The following SF1 variants were observed in gnomAD, a reference collection of about 807,000 sequenced individuals.
SF1 encodes branch point-binding protein.
Under a neutral mutation model 62.5 loss-of-function variants are expected in SF1, and 7 were observed. The observed-to-expected ratio is 0.11, with a 90% CI of 0.06 to 0.21. The LOEUF (loss-of-function observed/expected upper bound fraction) is 0.21. SF1 is among the 10% of genes least tolerant of loss of function. The pLI is 1.00. For synonymous variants in SF1, 394 were observed against 323.6 expected, an observed-to-expected ratio of 1.22 and a Z score of -2.33; for missense variants, 578 against 884.0, an observed-to-expected ratio of 0.65 and a Z score of 4.39.
intron 2 of SF1, among the ~76,000 whole-genome samples, chr11:64,775,609 T>C (rs1330590152): frequency 1.3e-5 from 2 of 152,208 alleles, no homozygotes; most frequent in East Asian, 3.8e-4. Context: ...GGCCACAGCC[T>C]CGTAGGTTTA....
chr11:64,773,177 T>A, intron 3 of SF1: 1 of 1,323,772 alleles, frequency 7.6e-7, no homozygotes, highest in South Asian at 1.7e-5. Context: ...AAGATCTACA[T>A]GCTTACCAAT....
At chr11:64,767,152 A>G in intron 11 of SF1, 40 bp downstream of exon 11, 2 of 1,613,624 alleles carry the variant, frequency 1.2e-6, no homozygotes, top group Non-Finnish European at 1.7e-6. Flanking sequence ...CCACTCACCC[A>G]AGCCTAGGTG....
At position 64,770,035 on chromosome 11, in the gene SF1, C is replaced by G; in HGVS notation, c.408G>C (p.Val136=). ...PADYKPPATR[V]SDKVMIPQDE... Reference sequence around the variant, plus strand: ...CTTGTGGAATCATGACTTTATCACTCACACGTGTTGCTGGAGGTCTAAGAA... The same window carrying G: ...CTTGTGGAATCATGACTTTATCACTGACACGTGTTGCTGGAGGTCTAAGAA... The change falls in exon 5 of 13, where the codon GTG becomes GTC. Residue 136 remains valine (V), a synonymous_variant. Transcript: ENST00000377390. The G allele has an allele frequency of 6.2e-7, 1 of 1,613,964 alleles. No homozygotes were observed. The highest frequency in any genetic ancestry group is 1.3e-5 in the African/African-American group (1 of 75,018).
rs1246934440 is a variant in SF1 at position 64,777,946 on chromosome 11, C to A, written c.31+416G>T. The A allele has an allele frequency of 1.5e-5, 15 of 985,072 alleles. No homozygotes were observed. The South Asian group carries it at 6.3e-4, about 42-fold the overall frequency. The allele number at this position is 985,072 out of a possible 1,614,324, so 61.0% of individuals were successfully genotyped here. A position where few individuals can be genotyped will look rare whatever the true frequency, so the allele number is the denominator to read the frequency against. On this transcript the variant is annotated intron_variant, in intron 1 of 12. Coordinates refer to ENST00000377390, the MANE Select transcript of SF1 (RefSeq NM_004630.4). ...CGCGCGCCCCTCAGGCGGCCGGGCC[C>A]GTCCGCGCGACGCCTCTCGCGCTCT...
At chr11:64,777,822 G>A (rs1342267809) in intron 1 of SF1, 11 of 960,286 alleles carry the variant, frequency 1.1e-5, no homozygotes, top group African/African-American at 5.3e-5. Flanking sequence ...CGCACTCGAG[G>A]CCCTAGAACC....
rs770016101 is a variant in SF1, at chr11:64,769,230, C to T, written c.772G>A (p.Asp258Asn). 1 of 1,613,874 alleles carries T rather than the reference C, an allele frequency of 6.2e-7. No homozygotes were observed. The highest frequency in any genetic ancestry group is 8.5e-7 in the Non-Finnish European group (1 of 1,179,746). ...TTTAAACTGATCACATACCTGTTAT[C>T]GTCTTCCCGAAGGGTCCCATTTAAG... ...ARLNGTLRED[D>N]NRILRPWQSS... Residue 258 changes from aspartate to asparagine, a missense_variant, in exon 7 of 13, where the codon GAT becomes AAT. Physicochemically the swap from Asp to Asn is conservative, Grantham distance 23. Transcript: ENST00000377390.
intron 3 of SF1, chr11:64,772,379 AATCT>A (rs1938462396): frequency 2.0e-6 from 2 of 984,400 alleles, no homozygotes; most frequent in Middle Eastern, 5.2e-4. Context: ...CTACAACCAA[AATCT>A]ATCTATAGGT....
rs970014388 is a variant in SF1 at position 64,773,366 on chromosome 11, C to T, written c.236+64G>A. 18 of 1,582,604 alleles carry T rather than the reference C, an allele frequency of 1.1e-5. No individual in the cohort carries two copies. In the East Asian group the frequency reaches 1.8e-4, roughly 16 times the overall value. ...TTGAACTGACACAATATGTTGCCAC[C>T]AGTAAAACGTATTGAGAAAAAGGTA... On this transcript the variant is annotated intron_variant, in intron 3 of 12. Transcript: ENST00000377390.
chr11:64,772,514 A>G, intron 3 of SF1: 1 of 985,184 alleles, frequency 1.0e-6, no homozygotes, highest in Non-Finnish European at 1.2e-6. Context: ...AAGCCATTAC[A>G]TCATCTTCCT....
chr11:64,774,244 A>G (rs184538122), intron 2 of SF1, among the ~76,000 whole-genome samples: 36 of 152,334 alleles, frequency 2.4e-4, no homozygotes, highest in African/African-American at 8.2e-4. Flanking sequence ...CTCACTGTTC[A>G]TATGGGGAGC....
At chr11:64,772,205 G>A in intron 3 of SF1, 1 of 985,100 alleles carries the variant, frequency 1.0e-6, no homozygotes. Context: ...AAGCAAAGAA[G>A]GTTTGTTAAA....
At chr11:64,768,634 G>T (rs1402458461) in intron 8 of SF1, among the ~76,000 whole-genome samples, 2 of 152,232 alleles carry the variant, frequency 1.3e-5, no homozygotes, top group African/African-American at 4.8e-5. Flanking sequence ...CTGCCAGAAC[G>T]AACTTCCTAA....
chr11:64,769,635 T>C, intron 5 of SF1, 26 bp from the exon 6 acceptor site: 1 of 1,594,694 alleles, frequency 6.3e-7, no homozygotes, highest in South Asian at 1.1e-5. Flanking sequence ...TGACTAAGTT[T>C]ATACCTGACA....
intron 1 of SF1, chr11:64,777,493 G>A (rs1286194347): frequency 1.0e-6 from 1 of 985,068 alleles, no homozygotes; most frequent in African/African-American, 1.7e-5. Flanking sequence ...TCTGAAGCAT[G>A]CCAACCTCTC....
chr11:64,770,498 T>C, intron 3 of SF1, 90 bp from the exon 4 acceptor site: 1 of 1,402,376 alleles, frequency 7.1e-7, no homozygotes. Flanking sequence ...CCCCTCTGCC[T>C]CTCAGACCCT....
intron 1 of SF1, 64 bp downstream of exon 1, chr11:64,778,279 AGGCCCGGGTGCAGGCGGAG>A (rs1249111283): frequency 9.1e-6 from 11 of 1,213,156 alleles, no homozygotes; most frequent in African/African-American, 1.6e-5. Flanking sequence ...GCCCCGCCCC[AGGCCCGGGTGCAGGCGGAG>A]GGCCCGGCTC....
At position 64,778,382 on chromosome 11, in the gene SF1, C is replaced by T; in HGVS notation, c.11G>A (p.Gly4Glu). ...CTTACCCAACGGCGTGGCGTTCGCT[C>T]CGGTCGCCATGGCGCCCCCGGGGAC... MAT[G>E]ANATPLDFPS... The change falls in exon 1 of 13, where the codon GGA (glycine) becomes GAA (glutamate). Residue 4 changes from glycine (G) to glutamate (E), a missense_variant. Gly to Glu is a moderately conservative substitution (Grantham distance 98, BLOSUM62 -2). This residue lies in a region of SF1 where 37 missense variants were observed against 34.6 expected (regional missense o/e 1.07). Transcript: ENST00000377390. 1 of 1,228,600 alleles carries T rather than the reference C, an allele frequency of 8.1e-7. No individual in the cohort carries two copies. Among genetic ancestry groups the T allele is most frequent in the Non-Finnish European group, 1.0e-6 (1 of 984,872 alleles). The allele number at this position is 1,228,600 out of a possible 1,614,324, so 76.1% of individuals were successfully genotyped here.
At chr11:64,768,016 C>G in intron 9 of SF1, 90 bp downstream of exon 9, 1 of 1,482,950 alleles carries the variant, frequency 6.7e-7, no homozygotes, top group Non-Finnish European at 9.1e-7. Flanking sequence ...CATCCATTGT[C>G]TGCTCTACCC....
chr11:64,766,910 T>C lies in SF1; in HGVS notation c.1572A>G (p.Pro524=), dbSNP rs554311053. ...SSSMASSTPL[P]WQQNTTTTTT... ...AAATATTCTACTCACTTTGCTGCCA[T>C]GGCAAGGGGGTACTGGAAGCCATAC... Residue 524 remains proline, a synonymous_variant, in exon 12 of 13, where the codon CCA becomes CCG. Coordinates refer to ENST00000377390, the MANE Select transcript of SF1 (RefSeq NM_004630.4). The C allele has an allele frequency of 3.8e-5, 43 of 1,142,542 alleles. No homozygotes were observed. The highest frequency in any genetic ancestry group is 3.2e-4 in the Admixed American group (9 of 28,506). 70.8% of individuals were successfully genotyped at this position (1,142,542 alleles called of 1,614,324 possible). A position where few individuals can be genotyped will look rare whatever the true frequency, so the allele number is the denominator to read the frequency against.
Sources: gnomAD v4.1 joint callset for allele counts (sites outside exome capture counted in the v4.1 genomes callset) on GRCh38, gnomAD v4.1.1 for gene constraint, gnomAD v4.1.1 regional missense constraint, MANE v1.5 for transcripts, NCBI Gene and HGNC (gene_info 2026-07-23, HGNC 2026-07-21) for gene names.